PADI4: variants seen among roughly 807,000 people sequenced by gnomAD.
The protein encoded by PADI4 is protein-arginine deiminase type-4.
In PADI4, 62 loss-of-function variants were observed where a neutral mutation model predicts 75.0. The ratio of observed to expected loss-of-function variants is 0.83; its 90% CI spans 0.67 to 1.02. PADI4 has a LOEUF of 1.02. Ranked by LOEUF, PADI4 falls within the 50% of genes least tolerant of loss-of-function variation. The pLI is 0.00. For missense variants in PADI4, 845 were observed against 850.5 expected, an observed-to-expected ratio of 0.99 and a Z score of 0.08; for synonymous variants, 361 against 348.1, an observed-to-expected ratio of 1.04 and a Z score of -0.41.
intron 13 of PADI4, among the ~76,000 whole-genome samples, chr1:17,357,596 G>C (rs936336240): frequency 6.6e-6 from 1 of 152,164 alleles, no homozygotes; most frequent in South Asian, 2.1e-4. Flanking sequence ...TATTTTTAAT[G>C]TTGTCTGTTT....
chr1:17,329,282 C>T (rs566628595), intron 1 of PADI4, among the ~76,000 whole-genome samples: 32 of 147,498 alleles, frequency 2.2e-4, no homozygotes, highest in African/African-American at 7.8e-4. Flanking sequence ...GCCAAGATCA[C>T]GCCACTGCAC....
At chr1:17,315,621 T>C (rs892378491) in intron 1 of PADI4, among the ~76,000 whole-genome samples, 3 of 151,872 alleles carry the variant, frequency 2.0e-5, no homozygotes, top group African/African-American at 7.3e-5. Flanking sequence ...GTTTTTTGCT[T>C]CCATGGCCCT....
chr1:17,334,028 C>T lies in PADI4; in HGVS notation c.340+19C>T. ...GGGGTGGGTAAGTGACAACCAGGAT[C>T]CTAGAGTGCCGTCTCATCCCCTGCC... On this transcript the variant is annotated intron_variant, in intron 3 of 15. Transcript: ENST00000375448. 1 of 1,541,688 alleles carries T rather than the reference C, an allele frequency of 6.5e-7. No homozygotes were observed. Among genetic ancestry groups the T allele is most frequent in the South Asian group, 1.1e-5 (1 of 89,690 alleles).
At chr1:17,351,989 G>GAA (rs1218617421) in intron 10 of PADI4, among the ~76,000 whole-genome samples, 1 of 29,406 alleles carries the variant, frequency 3.4e-5, no homozygotes, top group African/African-American at 3.2e-4. Flanking sequence ...TGGGAGGAGA[G>GAA]GCAGTCAGGG....
At chr1:17,352,645 C>A (rs2074685154) in intron 10 of PADI4, among the ~76,000 whole-genome samples, 2 of 152,106 alleles carry the variant, frequency 1.3e-5, no homozygotes, top group African/African-American at 2.4e-5. Flanking sequence ...GACAGCAAGG[C>A]TGTGACCTCT....
intron 1 of PADI4, among the ~76,000 whole-genome samples, chr1:17,317,513 C>G (rs1372307210): frequency 2.0e-5 from 3 of 151,776 alleles, no homozygotes; most frequent in Non-Finnish European, 4.4e-5. Context: ...TCGTGATCCG[C>G]CCGTCTCGGC....
intron 1 of PADI4, among the ~76,000 whole-genome samples, chr1:17,319,881 C>T (rs2074004219): frequency 1.3e-5 from 2 of 152,206 alleles, no homozygotes; most frequent in Non-Finnish European, 1.5e-5. Context: ...GGGCTGTTTA[C>T]ACCTCCAGTT....
chr1:17,342,339 T>A lies in PADI4; in HGVS notation c.872T>A (p.Phe291Tyr). Residue 291 changes from phenylalanine (F) to tyrosine (Y), a missense_variant, in exon 8 of 16, where the codon TTC becomes TAC. By Grantham distance (22) the Phe-to-Tyr change is conservative. Transcript: ENST00000375448. ...EAVVFQDSVVFRVAPWIMTPN... is the reference protein window; with the variant it reads ...EAVVFQDSVVYRVAPWIMTPN... Reference sequence around the variant, plus strand: ...GTGGTGTTCCAAGACAGCGTGGTCTTCCGCGTGGCGCCCTGGATCATGACC... The same window carrying A: ...GTGGTGTTCCAAGACAGCGTGGTCTACCGCGTGGCGCCCTGGATCATGACC... The A allele has an allele frequency of 1.2e-6, 2 of 1,613,980 alleles. No individual in the cohort carries two copies. Among genetic ancestry groups the A allele is most frequent in the African/African-American group, 2.7e-5 (2 of 74,992 alleles).
In PADI4 at chr1:17,350,050, G is replaced by A. The variant is rs924132244; in HGVS notation, c.1155+2002G>A. Among the ~76,000 whole-genome samples, 12 of 125,946 alleles carry A rather than the reference G, an allele frequency of 9.5e-5. 1 individual carries two copies. The highest frequency in any genetic ancestry group is 3.0e-4 in the African/African-American group (12 of 39,386). 82.6% of individuals were successfully genotyped at this position (125,946 alleles called of 152,430 possible). A position where few individuals can be genotyped will look rare whatever the true frequency, so the allele number is the denominator to read the frequency against. On this transcript the variant is annotated intron_variant, in intron 10 of 15. Coordinates refer to ENST00000375448, the MANE Select transcript of PADI4 (RefSeq NM_012387.3). ...TGAGGCCTTCCCTGATGCTAAAAGAGGGATCCCTACTCCCACCCCAACTCC... is the reference window on the plus strand; with the variant it reads ...TGAGGCCTTCCCTGATGCTAAAAGAAGGATCCCTACTCCCACCCCAACTCC...
chr1:17,317,455 C>G (rs138034673), intron 1 of PADI4, among the ~76,000 whole-genome samples: 1,722 of 150,548 alleles, frequency 0.011, 40 homozygotes, highest in African/African-American at 0.04. Context: ...ATTTTTAGTA[C>G]AGACGGGGAT....
intron 1 of PADI4, among the ~76,000 whole-genome samples, chr1:17,311,951 G>A (rs535778318): frequency 3.3e-5 from 5 of 152,318 alleles, no homozygotes; most frequent in South Asian, 2.1e-4. Flanking sequence ...GGGTTACGGC[G>A]AAGATTGAAT....
At chr1:17,309,202 T>C (rs1037625337) in intron 1 of PADI4, among the ~76,000 whole-genome samples, 3 of 149,032 alleles carry the variant, frequency 2.0e-5, no homozygotes, top group Admixed American at 2.0e-4. Context: ...CTGGAGTCCC[T>C]TAAAAATTAA....
At chr1:17,344,575 A>G (rs1419888983) in intron 8 of PADI4, among the ~76,000 whole-genome samples, 13 of 152,182 alleles carry the variant, frequency 8.5e-5, no homozygotes, top group Admixed American at 8.5e-4. Context: ...CAGGGTCCCC[A>G]TGCTATGTGC....
intron 15 of PADI4, among the ~76,000 whole-genome samples, chr1:17,362,671 G>C (rs925420954): frequency 6.6e-6 from 1 of 152,128 alleles, no homozygotes; most frequent in Non-Finnish European, 1.5e-5. Flanking sequence ...ATATGCATAT[G>C]TACCCCCAAA....
intron 1 of PADI4, among the ~76,000 whole-genome samples, chr1:17,312,633 T>C (rs1015657539): frequency 1.3e-5 from 2 of 152,184 alleles, no homozygotes; most frequent in African/African-American, 2.4e-5. Flanking sequence ...AGGGAATCTA[T>C]ATTGTCACAA....
rs199545354 is a variant in PADI4, at chr1:17,342,344, G to C, written c.877G>C (p.Val293Leu). The change falls in exon 8 of 16, where the codon GTG (valine) becomes CTG (leucine). Residue 293 changes from valine to leucine, a missense_variant. Coordinates refer to ENST00000375448, the MANE Select transcript of PADI4 (RefSeq NM_012387.3). Reference protein sequence around the residue: ...VVFQDSVVFRVAPWIMTPNTQ... With the variant: ...VVFQDSVVFRLAPWIMTPNTQ... Reference sequence around the variant, plus strand: ...GTTCCAAGACAGCGTGGTCTTCCGCGTGGCGCCCTGGATCATGACCCCCAA... The same window carrying C: ...GTTCCAAGACAGCGTGGTCTTCCGCCTGGCGCCCTGGATCATGACCCCCAA... 6.2e-7 allele frequency: 1 copy of C among 1,614,030 alleles called. No individual in the cohort carries two copies.
chr1:17,328,350 C>T (rs1212048714), intron 1 of PADI4, among the ~76,000 whole-genome samples: 3 of 152,104 alleles, frequency 2.0e-5, no homozygotes, highest in Non-Finnish European at 2.9e-5. Flanking sequence ...ATAGGCCAGG[C>T]GCATAAAAGT....
rs142426054 is a variant in PADI4 at position 17,356,119 on chromosome 1, G to A, written c.1447G>A (p.Asp483Asn). The change falls in exon 12 of 16, where the codon GAC becomes AAC. Residue 483 changes from aspartate to asparagine, a missense_variant. Transcript: ENST00000375448. This position sits in a 1 kb window ranked among gnomAD's most constrained non-coding sequence, Gnocchi z 4.1. ...GTTCCTGAGCTTTGTGCCAGCACCC[G>A]ACAGGAAGGTACAGTCTTGGGGGCT... ...DEFLSFVPAP[D>N]RKGFRLLLAS... 1.9e-4 allele frequency: 313 copies of A among 1,614,132 alleles called. 1 individual carries two copies. The African/African-American group carries it at 3.1e-3, about 16-fold the overall frequency.
At chr1:17,343,448 C>A (rs115312331) in intron 8 of PADI4, among the ~76,000 whole-genome samples, 1 of 152,044 alleles carries the variant, frequency 6.6e-6, no homozygotes, top group Admixed American at 6.5e-5. Flanking sequence ...GTGGTCAGGA[C>A]GCAGGCTGGA....
Sources: gnomAD v4.1 joint callset for allele counts (sites outside exome capture counted in the v4.1 genomes callset) on GRCh38, gnomAD v4.1.1 for gene constraint, Gnocchi (gnomAD v3.1) non-coding constraint, MANE v1.5 for transcripts, NCBI Gene and HGNC (gene_info 2026-07-23, HGNC 2026-07-21) for gene names.